TTL: variants seen among roughly 807,000 people sequenced by gnomAD.
The protein encoded by TTL is tubulin tyrosine ligase, also known as tubulin--tyrosine ligase.
A neutral mutation model predicts 41.1 loss-of-function variants in TTL; 10 were observed. The observed-to-expected ratio is 0.24, with a 90% CI of 0.15 to 0.41. TTL has a LOEUF of 0.41. Among genes scored for constraint, TTL ranks in the 10% least tolerant of loss-of-function variants. The pLI is 1.00. For missense variants in TTL, 367 were observed against 460.4 expected (o/e 0.80, Z 1.86); for synonymous variants, 175 against 175.5 (o/e 1.00, Z 0.02).
rs1294309206 is a variant in TTL, at chr2:112,538,095, CAAGTA to C, written c.*9304_*9308del. On this transcript the variant is annotated 3_prime_UTR_variant, in exon 7 of 7. Transcript: ENST00000233336. ...ATTTCTGTATTAATGAAGAAATATA[CAAGTA>C]AAGAGGTTGGACTAATAATAATTCT... 1 of 152,116 alleles carries C rather than the reference CAAGTA, an allele frequency of 6.6e-6. No individual in the cohort carries two copies. Among genetic ancestry groups the C allele is most frequent in the Non-Finnish European group, 1.5e-5 (1 of 68,026 alleles). 9.4% of individuals were successfully genotyped at this position (152,116 alleles called of 1,614,324 possible).
intron 5 of TTL, among the ~76,000 whole-genome samples, chr2:112,509,336 G>T (rs888859694): frequency 6.6e-6 from 1 of 151,524 alleles, no homozygotes; most frequent in Non-Finnish European, 1.5e-5. Context: ...GCTGTGGTGG[G>T]CTCCACCCAG....
At position 112,538,924 on chromosome 2, in the gene TTL, T is replaced by C. The variant is rs576151356; in HGVS notation, c.*10129T>C. Reference sequence around the variant, plus strand: ...TGAGGTCCGGAGATCAAGACCATCCTGGCTAATATGGTGAAACCCCGTCTC... The same window carrying C: ...TGAGGTCCGGAGATCAAGACCATCCCGGCTAATATGGTGAAACCCCGTCTC... On this transcript the variant is annotated 3_prime_UTR_variant, in exon 7 of 7. Transcript: ENST00000233336. 2 of 152,196 alleles carry C rather than the reference T, an allele frequency of 1.3e-5. No homozygotes were observed. Among genetic ancestry groups the C allele is most frequent in the East Asian group, 1.9e-4 (1 of 5,174 alleles). 9.4% of individuals were successfully genotyped at this position (152,196 alleles called of 1,614,324 possible). A position where few individuals can be genotyped will look rare whatever the true frequency, so the allele number is the denominator to read the frequency against.
chr2:112,521,560 T>C (rs1682231754), intron 6 of TTL, among the ~76,000 whole-genome samples: 1 of 152,232 alleles, frequency 6.6e-6, no homozygotes, highest in African/African-American at 2.4e-5. Context: ...AAGTTGTTCT[T>C]TACTTAGAAG....
intron 2 of TTL, among the ~76,000 whole-genome samples, chr2:112,486,575 AAG>A (rs1178132940): frequency 6.6e-6 from 1 of 152,196 alleles, no homozygotes; most frequent in African/African-American, 2.4e-5. Context: ...GGCAGGGTAT[AAG>A]AGCATTCACT....
At chr2:112,509,416 C>T (rs565847438) in intron 5 of TTL, among the ~76,000 whole-genome samples, 12 of 152,320 alleles carry the variant, frequency 7.9e-5, no homozygotes, top group East Asian at 1.9e-4. Context: ...CCCCCAGCCT[C>T]GTTGCTGCCT....
chr2:112,517,131 T>A (rs1682091770), intron 5 of TTL, among the ~76,000 whole-genome samples: 1 of 143,038 alleles, frequency 7.0e-6, no homozygotes, highest in African/African-American at 2.6e-5. Flanking sequence ...TCCTTTAAAG[T>A]GTATTATTAA....
chr2:112,534,618 T>C lies in TTL; in HGVS notation c.*5823T>C, dbSNP rs187073558. On this transcript the variant is annotated 3_prime_UTR_variant, in exon 7 of 7. Coordinates refer to ENST00000233336, the MANE Select transcript of TTL (RefSeq NM_153712.5). ...TTGATGTGACTAAGAGGTTACCCAGTGTGAACAACCTTTTCCCTGGGTGCA... is the reference window on the plus strand; with the variant it reads ...TTGATGTGACTAAGAGGTTACCCAGCGTGAACAACCTTTTCCCTGGGTGCA... 32 of 152,314 alleles carry C rather than the reference T, an allele frequency of 2.1e-4. No individual in the cohort carries two copies. The highest frequency in any genetic ancestry group is 7.0e-4 in the African/African-American group (29 of 41,566). 9.4% of individuals were successfully genotyped at this position (152,314 alleles called of 1,614,324 possible). A position where few individuals can be genotyped will look rare whatever the true frequency, so the allele number is the denominator to read the frequency against.
chr2:112,491,072 A>G (rs953309051), intron 2 of TTL, among the ~76,000 whole-genome samples: 3 of 151,622 alleles, frequency 2.0e-5, no homozygotes, highest in African/African-American at 4.9e-5. Flanking sequence ...GCTCACTGCA[A>G]CCTCCGCCTC....
Position 112,532,409 on chromosome 2 carries a change from G to C in TTL, c.*3614G>C, listed in dbSNP as rs78967042. On this transcript the variant is annotated 3_prime_UTR_variant, in exon 7 of 7. Transcript: ENST00000233336. ...AAAGTAAAGTAATGATATTTCAAGT[G>C]TTTTTGTGCTCTTTGGTTCTTGTTG... The C allele has an allele frequency of 6.2e-4, 140 of 224,002 alleles. No homozygotes were observed. The highest frequency in any genetic ancestry group is 1.5e-3 in the South Asian group (8 of 5,446). 13.9% of individuals were successfully genotyped at this position (224,002 alleles called of 1,614,324 possible).
Position 112,497,056 on chromosome 2 carries a change from G to A in TTL, c.469+2681G>A, listed in dbSNP as rs1295482432. On this transcript the variant is annotated intron_variant, in intron 3 of 6. Transcript: ENST00000233336. Reference sequence around the variant, plus strand: ...AGGATGGTCTCGATCTCCTGACCTCGTGATCCGCCCGCCTCAGCCTCCCAA... The same window carrying A: ...AGGATGGTCTCGATCTCCTGACCTCATGATCCGCCCGCCTCAGCCTCCCAA... Among the ~76,000 whole-genome samples, 20 of 151,676 alleles carry A rather than the reference G, an allele frequency of 1.3e-4. 1 individual carries two copies. Among genetic ancestry groups the A allele is most frequent in the East Asian group, 3.9e-4 (2 of 5,176 alleles).
At position 112,500,362 on chromosome 2, in the gene TTL, G is replaced by C. The variant is rs1250519987; in HGVS notation, c.470-844G>C. On this transcript the variant is annotated intron_variant, in intron 3 of 6. Coordinates refer to ENST00000233336, the MANE Select transcript of TTL (RefSeq NM_153712.5). ...CCAAGGCAGGCAGATCACGAGGTCA[G>C]AAGACCAAGACCATCCTGGCCAACA... Among the ~76,000 whole-genome samples, 3 of 152,160 alleles carry C rather than the reference G, an allele frequency of 2.0e-5. No individual in the cohort carries two copies. The East Asian group carries it at 5.8e-4, about 29-fold the overall frequency.
chr2:112,483,385 C>T (rs578077861), intron 1 of TTL: 1 of 152,330 alleles, frequency 6.6e-6, no homozygotes, highest in South Asian at 2.1e-4. Context: ...AGTCTCATGG[C>T]CTCCCTCTCT....
At chr2:112,486,758 C>T (rs749891547) in intron 2 of TTL, among the ~76,000 whole-genome samples, 1 of 152,162 alleles carries the variant, frequency 6.6e-6, no homozygotes, top group Non-Finnish European at 1.5e-5. Flanking sequence ...GTGCCTCCCT[C>T]GTAAGGCTAT....
chr2:112,485,793 C>G (rs576599132), intron 1 of TTL, 124 bp from the exon 2 acceptor site: 1 of 872,688 alleles, frequency 1.1e-6, no homozygotes, highest in East Asian at 2.5e-5. Flanking sequence ...CAAAATTGTT[C>G]CATTTTCCAT....
intron 3 of TTL, among the ~76,000 whole-genome samples, chr2:112,497,198 T>G (rs1403542892): frequency 1.3e-5 from 2 of 152,106 alleles, no homozygotes; most frequent in Non-Finnish European, 2.9e-5. Flanking sequence ...TGATTTTTAG[T>G]AGAGATGAAG....
intron 6 of TTL, among the ~76,000 whole-genome samples, chr2:112,525,070 T>A (rs185282761): frequency 1.3e-5 from 2 of 152,226 alleles, no homozygotes; most frequent in Non-Finnish European, 2.9e-5. Flanking sequence ...TTTCTTGTTT[T>A]TATCAGGTTT....
chr2:112,509,500 T>C (rs1190871148), intron 5 of TTL, among the ~76,000 whole-genome samples: 1 of 152,184 alleles, frequency 6.6e-6, no homozygotes, highest in Non-Finnish European at 1.5e-5. Context: ...GAGCCAGGTG[T>C]GGGATATAAT....
At chr2:112,502,763 C>T in intron 4 of TTL, 149 bp from the exon 5 acceptor site, 1 of 675,348 alleles carries the variant, frequency 1.5e-6, no homozygotes, top group South Asian at 3.0e-5. Context: ...CATAACATGC[C>T]TCTTATAGTT....
chr2:112,494,285 G>A lies in TTL; in HGVS notation c.379G>A (p.Glu127Lys), dbSNP rs1235515866. ...ACCAATCAGTAACTCAAGGACAGAT[G>A]AAAGAGAATTCTTTCTCGCCTCTTA... ...QPPISNSRTD[E>K]REFFLASYNR... is the part of the protein sequence containing the mutation. The change falls in exon 3 of 7, where the codon GAA (glutamate) becomes AAA (lysine). Residue 127 changes from glutamate (E) to lysine (K), a missense_variant. Glu to Lys is a moderately conservative substitution (Grantham distance 56). Transcript: ENST00000233336. 1 of 1,614,200 alleles carries A rather than the reference G, an allele frequency of 6.2e-7. No homozygotes were observed. The highest frequency in any genetic ancestry group is 1.1e-5 in the South Asian group (1 of 91,080).
Sources: allele counts gnomAD v4.1 joint callset (sites outside exome capture counted in the v4.1 genomes callset), GRCh38; gene constraint gnomAD v4.1.1; transcripts MANE v1.5; gene names NCBI Gene and HGNC (gene_info 2026-07-23, HGNC 2026-07-21).